BAZ1A: variants seen among roughly 807,000 people sequenced by gnomAD.
BAZ1A encodes the protein bromodomain adjacent to zinc finger domain 1A.
A neutral mutation model predicts 185.2 loss-of-function variants in BAZ1A; 50 were observed. That is an observed-to-expected ratio of 0.27 (90% CI 0.22 to 0.34). The LOEUF is 0.34. Ranked by LOEUF, BAZ1A falls within the 10% of genes least tolerant of loss-of-function variation. The pLI is 1.00. For synonymous variants in BAZ1A, 571 were observed against 615.6 expected, an observed-to-expected ratio of 0.93 and a Z score of 1.07; for missense variants, 1,356 against 1,839.9, an observed-to-expected ratio of 0.74 and a Z score of 4.81.
chr14:34,818,729 A>G (rs1227469010), intron 4 of BAZ1A, among the ~76,000 whole-genome samples: 1 of 152,190 alleles, frequency 6.6e-6, no homozygotes, highest in Non-Finnish European at 1.5e-5. Flanking sequence ...CACTGTATAC[A>G]CCGTGTATAT....
chr14:34,780,121 T>A, intron 17 of BAZ1A, 65 bp downstream of exon 17: 2 of 1,575,960 alleles, frequency 1.3e-6, no homozygotes, highest in Non-Finnish European at 1.7e-6. Context: ...GGAGCTGAAT[T>A]AATAAAGTGC....
In BAZ1A at chr14:34,762,010, T is replaced by A. The variant is rs1886544895; in HGVS notation, c.3990A>T (p.Arg1330Ser). 3.1e-6 allele frequency: 5 copies of A among 1,614,134 alleles called. No individual in the cohort carries two copies. Among genetic ancestry groups the A allele is most frequent in the Admixed American group, 1.7e-5 (1 of 60,010 alleles). ...SAPPTETKSL[R>S]IASRSTRHSH... ...TGTGGCGAGTAGAACGACTGGCAAT[T>A]CTTAAAGATTTTGTTTCTGTAGGAG... Residue 1330 changes from arginine (R) to serine (S), a missense_variant, in exon 24 of 27, where the codon AGA (arginine) becomes AGT (serine). By Grantham distance (110) the Arg-to-Ser change is moderately radical. This residue lies in a region of BAZ1A where 309 missense variants were observed against 355.3 expected (regional missense o/e 0.87). Coordinates refer to ENST00000360310, the MANE Select transcript of BAZ1A (RefSeq NM_013448.3).
Position 34,807,480 on chromosome 14 carries a change from C to G in BAZ1A, c.697G>C (p.Glu233Gln), listed in dbSNP as rs1451852354. 6.2e-7 allele frequency: 1 copy of G among 1,612,036 alleles called. No homozygotes were observed. ...KLKLFLKQHCEPQDGVIKIKA... is the reference protein window; with the variant it reads ...KLKLFLKQHCQPQDGVIKIKA... ...ATTTTAATGACTCCATCTTGTGGTT[C>G]ACAGTGTTGCTTCAGAAAAAGCTTT... Residue 233 changes from glutamate (E) to glutamine (Q), a missense_variant, in exon 6 of 27, where the codon GAA (glutamate) becomes CAA (glutamine). Transcript: ENST00000360310.
At position 34,861,920 on chromosome 14, in the gene BAZ1A, G is replaced by T. The variant is rs931610275; in HGVS notation, c.392+124C>A. 9 of 1,108,528 alleles carry T rather than the reference G, an allele frequency of 8.1e-6. No individual in the cohort carries two copies. The African/African-American group carries it at 1.3e-4, about 16-fold the overall frequency. The allele number at this position is 1,108,528 out of a possible 1,614,324, so 68.7% of individuals were successfully genotyped here. ...AACAGCTAACACCGGGGCTATCTGT[G>T]GGTTAACAGAATAGCTAGAGCATAG... On this transcript the variant is annotated intron_variant, in intron 3 of 26. Transcript: ENST00000360310.
At chr14:34,815,082 A>G (rs779438153) in intron 4 of BAZ1A, among the ~76,000 whole-genome samples, 1 of 152,196 alleles carries the variant, frequency 6.6e-6, no homozygotes, top group Non-Finnish European at 1.5e-5. Context: ...GCCACAGACT[A>G]TATCTTAATG....
Position 34,761,967 on chromosome 14 carries a change from C to T in BAZ1A, c.4033G>A (p.Ala1345Thr). ...CTAAGCAATTCCACAAATACATCTGCTTGCAGTGGGCCATGACTGTGGCGA... is the reference window on the plus strand; with the variant it reads ...CTAAGCAATTCCACAAATACATCTGTTTGCAGTGGGCCATGACTGTGGCGA... ...STRHSHGPLQADVFVELLSPR... is the reference protein window; with the variant it reads ...STRHSHGPLQTDVFVELLSPR... Residue 1345 changes from alanine to threonine, a missense_variant, in exon 24 of 27, where the codon GCA (alanine) becomes ACA (threonine). Around this residue, in one of 7 missense-constraint regions of BAZ1A, gnomAD observed 309 missense variants for 355.3 expected, o/e 0.87. Coordinates refer to ENST00000360310, the MANE Select transcript of BAZ1A (RefSeq NM_013448.3). 3.1e-6 allele frequency: 5 copies of T among 1,614,212 alleles called. No homozygotes were observed. Among genetic ancestry groups the T allele is most frequent in the Non-Finnish European group, 4.2e-6 (5 of 1,180,046 alleles).
At chr14:34,758,939 A>G (rs1886389255) in intron 24 of BAZ1A, 93 bp from the exon 25 acceptor site, 7 of 1,302,452 alleles carry the variant, frequency 5.4e-6, no homozygotes, top group Non-Finnish European at 7.4e-6. Context: ...AAATTCCAAC[A>G]GAAAATAGAC....
intron 16 of BAZ1A, among the ~76,000 whole-genome samples, chr14:34,781,743 C>T (rs149724292): frequency 0.02 from 2,987 of 152,280 alleles, 40 homozygotes; most frequent in South Asian, 0.039. Flanking sequence ...GTGATCCGGC[C>T]GCCTCAGCCT....
intron 2 of BAZ1A, among the ~76,000 whole-genome samples, chr14:34,866,576 T>TA (rs2042865466): frequency 6.6e-6 from 1 of 151,424 alleles, no homozygotes; most frequent in African/African-American, 2.4e-5. Flanking sequence ...AGTACATAGT[T>TA]AGCACATAGT....
At chr14:34,826,779 C>T (rs2042170505) in intron 3 of BAZ1A, among the ~76,000 whole-genome samples, 1 of 152,140 alleles carries the variant, frequency 6.6e-6, no homozygotes, top group Non-Finnish European at 1.5e-5. Flanking sequence ...AAGGCAAAAG[C>T]AGATAGTCGC....
rs1225939081 is a variant in BAZ1A at position 34,784,367 on chromosome 14, C to CCAAAAAAAAAAAAAAAA, written c.1832-441_1832-440insTTTTTTTTTTTTTTTTG. Among the ~76,000 whole-genome samples the CCAAAAAAAAAAAAAAAA allele has an allele frequency of 3.5e-3, 269 of 77,174 alleles. 40 individuals are homozygous for CCAAAAAAAAAAAAAAAA. Among genetic ancestry groups the CCAAAAAAAAAAAAAAAA allele is most frequent in the African/African-American group, 8.0e-3 (131 of 16,420 alleles). 50.6% of individuals were successfully genotyped at this position (77,174 alleles called of 152,430 possible). On this transcript the variant is annotated intron_variant, in intron 14 of 26. Transcript: ENST00000360310. The stretch of plus-strand genomic sequence containing the variant: ...TGGGCAACTGAGTGAGACTCTGTCT[C>CCAAAAAAAAAAAAAAAA]AAAAAAAAAAAAAAAAAAAAAAAAA...
At chr14:34,835,696 G>T (rs916360180) in intron 3 of BAZ1A, among the ~76,000 whole-genome samples, 1 of 149,220 alleles carries the variant, frequency 6.7e-6, no homozygotes, top group African/African-American at 2.5e-5. Context: ...TCCTGAGACA[G>T]AGTTTCTCTC....
At chr14:34,844,701 C>T (rs1005840326) in intron 3 of BAZ1A, among the ~76,000 whole-genome samples, 1 of 151,128 alleles carries the variant, frequency 6.6e-6, no homozygotes, top group Non-Finnish European at 1.5e-5. Context: ...CCCAGAAGTT[C>T]GAGGTTACAG....
intron 3 of BAZ1A, among the ~76,000 whole-genome samples, chr14:34,835,486 G>A (rs1199651753): frequency 6.6e-6 from 1 of 151,832 alleles, no homozygotes; most frequent in East Asian, 1.9e-4. Context: ...TGAAGGGAAT[G>A]GAAACATTAT....
At chr14:34,820,128 T>G (rs1282684554) in intron 4 of BAZ1A, among the ~76,000 whole-genome samples, 3 of 142,762 alleles carry the variant, frequency 2.1e-5, no homozygotes, top group African/African-American at 5.2e-5. Flanking sequence ...CCTCGTTTTT[T>G]TTTTTTTTTT....
chr14:34,825,484 G>A (rs1594878789), intron 4 of BAZ1A, among the ~76,000 whole-genome samples: 1 of 140,300 alleles, frequency 7.1e-6, no homozygotes, highest in Admixed American at 7.1e-5. Flanking sequence ...AAAGAGGGTG[G>A]GGGAGATGTA....
Position 34,753,412 on chromosome 14 carries a change from G to GTCAA in BAZ1A, c.*92_*95dup, listed in dbSNP as rs747623164. ...ATAGTGCAGGCCACACTTTCATGTG[G>GTCAA]TCAATCAATTGTTATTGCTTTATAC... On this transcript the variant is annotated 3_prime_UTR_variant, in exon 27 of 27. Transcript: ENST00000360310. The GTCAA allele has an allele frequency of 1.8e-6, 2 of 1,133,708 alleles. No homozygotes were observed. The highest frequency in any genetic ancestry group is 1.3e-6 in the Non-Finnish European group (1 of 778,600). The allele number at this position is 1,133,708 out of a possible 1,614,324, so 70.2% of individuals were successfully genotyped here. A position where few individuals can be genotyped will look rare whatever the true frequency, so the allele number is the denominator to read the frequency against.
intron 2 of BAZ1A, among the ~76,000 whole-genome samples, chr14:34,868,288 T>C (rs2042894005): frequency 6.6e-6 from 1 of 152,158 alleles, no homozygotes; most frequent in African/African-American, 2.4e-5. Context: ...ATCTGGCCCT[T>C]TGCGGAAAAA....
chr14:34,859,574 T>G (rs1251558936), intron 3 of BAZ1A, among the ~76,000 whole-genome samples: 2 of 152,218 alleles, frequency 1.3e-5, no homozygotes, highest in African/African-American at 2.4e-5. Context: ...AAAAACTTAC[T>G]AGATTATCCA....
Sources: allele counts gnomAD v4.1 joint callset (sites outside exome capture counted in the v4.1 genomes callset), GRCh38; gene constraint gnomAD v4.1.1; regional missense constraint gnomAD v4.1.1; transcripts MANE v1.5; gene names NCBI Gene and HGNC (gene_info 2026-07-23, HGNC 2026-07-21).